RAD51B: variants seen among roughly 807,000 people sequenced by gnomAD.
The protein encoded by RAD51B is RAD51 paralog B, also known as DNA repair protein RAD51 homolog 2.
RAD51B carries 38 observed loss-of-function variants against 42.2 expected under a neutral mutation model. That is an observed-to-expected ratio of 0.90 (90% CI 0.70 to 1.18). The LOEUF (loss-of-function observed/expected upper bound fraction) is 1.18. Ranked by LOEUF, RAD51B falls within the 50% of genes most tolerant of loss-of-function variation. The probability of loss-of-function intolerance (pLI) is 0.00; values close to 1 mark genes in which losing one functional copy is unlikely to be tolerated. For missense variants in RAD51B, 373 were observed against 400.7 expected, an observed-to-expected ratio of 0.93 and a Z score of 0.59; for synonymous variants, 154 against 145.2, an observed-to-expected ratio of 1.06 and a Z score of -0.43.
intron 8 of RAD51B, among the ~76,000 whole-genome samples, chr14:68,383,559 C>T (rs769117209): frequency 5.9e-5 from 9 of 152,076 alleles, no homozygotes; most frequent in South Asian, 2.1e-4. Context: ...CTTCTTTAAA[C>T]GAGGAGGTTG....
chr14:68,486,565 T>G (rs1349594404), intron 10 of RAD51B, among the ~76,000 whole-genome samples: 2 of 152,236 alleles, frequency 1.3e-5, no homozygotes, highest in Non-Finnish European at 1.5e-5. Flanking sequence ...CCTATCTTTG[T>G]GTCAATAACA....
At chr14:68,667,977 C>A (rs778560801) in intron 11 of RAD51B, among the ~76,000 whole-genome samples, 1 of 152,150 alleles carries the variant, frequency 6.6e-6, no homozygotes. Flanking sequence ...TGTGGGAGAT[C>A]CTCATCTGAG....
At chr14:68,161,090 G>A (rs573407323) in intron 7 of RAD51B, among the ~76,000 whole-genome samples, 4 of 152,172 alleles carry the variant, frequency 2.6e-5, no homozygotes, top group Admixed American at 2.0e-4. Context: ...CTCTTTATAG[G>A]CCTATTATTT....
chr14:68,393,824 C>A (rs7160794), intron 8 of RAD51B, among the ~76,000 whole-genome samples: 2,034 of 152,222 alleles, frequency 0.013, 51 homozygotes, highest in African/African-American at 0.046. Context: ...GTTTTTGGGG[C>A]CCTGAAATGT....
intron 7 of RAD51B, among the ~76,000 whole-genome samples, chr14:68,205,322 T>A (rs557449228): frequency 1.6e-4 from 24 of 152,312 alleles, no homozygotes; most frequent in Non-Finnish European, 1.0e-4. Context: ...TTAGGAGTGA[T>A]GAATTGTAGC....
chr14:67,841,753 C>A (rs1395072429), intron 4 of RAD51B, among the ~76,000 whole-genome samples: 1 of 152,112 alleles, frequency 6.6e-6, no homozygotes, highest in African/African-American at 2.4e-5. Flanking sequence ...TTTCTGGGTT[C>A]TCTATTCTGT....
At chr14:68,037,140 T>C (rs1296103832) in intron 7 of RAD51B, among the ~76,000 whole-genome samples, 1 of 2,706 alleles carries the variant, frequency 3.7e-4, no homozygotes, top group Non-Finnish European at 6.9e-4. Context: ...TACCCTACCC[T>C]CCCCCCCTCC....
chr14:68,177,132 GAC>G (rs1296264271), intron 7 of RAD51B, among the ~76,000 whole-genome samples: 2 of 152,200 alleles, frequency 1.3e-5, no homozygotes, highest in East Asian at 3.8e-4. Context: ...ATTCAAGACT[GAC>G]ACTGAGTGTA....
chr14:68,517,496 T>C (rs1316295033), intron 10 of RAD51B, among the ~76,000 whole-genome samples: 1 of 152,152 alleles, frequency 6.6e-6, no homozygotes, highest in Non-Finnish European at 1.5e-5. Context: ...GGTATTATTA[T>C]GAAATATTAT....
intron 7 of RAD51B, chr14:68,129,940 C>CT (rs1022949727): frequency 1.3e-5 from 2 of 152,206 alleles, no homozygotes; most frequent in African/African-American, 2.4e-5. Flanking sequence ...TAACCACAAA[C>CT]TTAACAGCTT....
At chr14:67,854,511 G>C (rs527459440) in intron 4 of RAD51B, among the ~76,000 whole-genome samples, 75 of 151,920 alleles carry the variant, frequency 4.9e-4, no homozygotes, top group African/African-American at 1.8e-3. Flanking sequence ...GCATGCGCCT[G>C]TTGTGCCAGC....
chr14:67,954,368 TA>T lies in RAD51B; in HGVS notation c.756+67166del, dbSNP rs140821707. ...TCCTGTATCTTATTAGTGAGGGAAA[TA>T]ATATTAGCCATTTTGTAGGTTTGGA... On this transcript the variant is annotated intron_variant, in intron 7 of 10. Transcript: ENST00000471583. Among the ~76,000 whole-genome samples, 1,391 of 152,266 alleles carry T rather than the reference TA, an allele frequency of 9.1e-3. 22 individuals are homozygous for T. The highest frequency in any genetic ancestry group is 0.086 in the East Asian group (444 of 5,174).
intron 10 of RAD51B, among the ~76,000 whole-genome samples, chr14:68,488,683 C>T (rs998309233): frequency 3.9e-5 from 6 of 152,230 alleles, no homozygotes; most frequent in Non-Finnish European, 8.8e-5. Flanking sequence ...ATCCACCCTG[C>T]TCTTTGGCTA....
intron 8 of RAD51B, among the ~76,000 whole-genome samples, chr14:68,364,481 T>C (rs970485549): frequency 9.2e-5 from 14 of 152,182 alleles, no homozygotes; most frequent in African/African-American, 2.4e-4. Context: ...AGGGATATCA[T>C]TGGAGGACCG....
chr14:68,525,780 G>C (rs560853457), intron 10 of RAD51B, among the ~76,000 whole-genome samples: 31 of 152,272 alleles, frequency 2.0e-4, no homozygotes, highest in African/African-American at 5.3e-4. Context: ...TCCCCTTCCA[G>C]ATAGCCAGCC....
chr14:68,287,833 G>A (rs1196159033), intron 7 of RAD51B, among the ~76,000 whole-genome samples: 2 of 152,104 alleles, frequency 1.3e-5, no homozygotes, highest in African/African-American at 4.8e-5. Context: ...TCCATAGGCC[G>A]GGTACTGTGC....
At chr14:67,893,513 A>C (rs79318871) in intron 7 of RAD51B, among the ~76,000 whole-genome samples, 138 of 131,278 alleles carry the variant, frequency 1.1e-3, no homozygotes, top group East Asian at 7.9e-3. Context: ...CACACACAAA[A>C]AAAAACAATT....
intron 7 of RAD51B, among the ~76,000 whole-genome samples, chr14:68,206,199 G>A (rs937688649): frequency 1.1e-4 from 16 of 152,114 alleles, no homozygotes; most frequent in African/African-American, 3.9e-4. Context: ...TGTCATCCAG[G>A]TGATGTTTTG....
intron 8 of RAD51B, among the ~76,000 whole-genome samples, chr14:68,298,472 G>T (rs1595676654): frequency 6.6e-6 from 1 of 152,300 alleles, no homozygotes; most frequent in Middle Eastern, 3.4e-3. Flanking sequence ...AGCCAGAGAG[G>T]TTTCTTTGGG....
Sources: allele counts gnomAD v4.1 joint callset (sites outside exome capture counted in the v4.1 genomes callset), GRCh38; gene constraint gnomAD v4.1.1; transcripts MANE v1.5; gene names NCBI Gene and HGNC (gene_info 2026-07-23, HGNC 2026-07-21).